Variants in RAPGEF5 observed in about 807,000 individuals in gnomAD.
RAPGEF5 encodes the protein Rap guanine nucleotide exchange factor 5.
RAPGEF5 carries 65 observed loss-of-function variants against 125.2 expected under a neutral mutation model. The ratio of observed to expected loss-of-function variants is 0.52; its 90% CI spans 0.43 to 0.64. The LOEUF is 0.64. Ranked by LOEUF, RAPGEF5 falls within the 30% of genes least tolerant of loss-of-function variation. The pLI, the probability that RAPGEF5 is intolerant of heterozygous loss-of-function variation, is 0.00. For synonymous variants in RAPGEF5, 391 were observed against 385.9 expected, an observed-to-expected ratio of 1.01 and a Z score of -0.16; for missense variants, 958 against 1,048.1, an observed-to-expected ratio of 0.91 and a Z score of 1.19.
chr7:22,316,373 AG>A (rs1783590277), intron 2 of RAPGEF5, among the ~76,000 whole-genome samples: 1 of 149,554 alleles, frequency 6.7e-6, no homozygotes, highest in African/African-American at 2.4e-5. Context: ...ATAGATAGAT[AG>A]ATAGATAGAT....
In RAPGEF5 at chr7:22,124,967, A is replaced by G. The variant is rs192370482; in HGVS notation, c.2536+637T>C. ...CCCATGTGAAAGCTCCTTCAACTCAATGAAGTTGATTTCCTTCCTTCCTGC... is the reference window on the plus strand; with the variant it reads ...CCCATGTGAAAGCTCCTTCAACTCAGTGAAGTTGATTTCCTTCCTTCCTGC... On this transcript the variant is annotated intron_variant, in intron 25 of 25. Transcript: ENST00000665637. Among the ~76,000 whole-genome samples, 4 of 152,296 alleles carry G rather than the reference A, an allele frequency of 2.6e-5. No individual in the cohort carries two copies. The East Asian group carries it at 5.8e-4, about 22-fold the overall frequency.
chr7:22,337,234 C>T (rs1562535652), intron 1 of RAPGEF5, among the ~76,000 whole-genome samples: 2 of 152,272 alleles, frequency 1.3e-5, no homozygotes, highest in African/African-American at 2.4e-5. Flanking sequence ...GGGATGTAAT[C>T]GCAATCATAG....
At chr7:22,249,126 T>C (rs1786553150) in intron 7 of RAPGEF5, among the ~76,000 whole-genome samples, 1 of 152,182 alleles carries the variant, frequency 6.6e-6, no homozygotes, top group Non-Finnish European at 1.5e-5. Context: ...TGCACACAGT[T>C]TACGAGGATA....
At chr7:22,348,379 A>G (rs151294348) in intron 1 of RAPGEF5, among the ~76,000 whole-genome samples, 5 of 152,340 alleles carry the variant, frequency 3.3e-5, no homozygotes, top group East Asian at 1.9e-4. Context: ...TTTGACAGGT[A>G]TGTGTACTTC....
At chr7:22,225,539 G>A (rs920577979) in intron 8 of RAPGEF5, among the ~76,000 whole-genome samples, 1 of 152,200 alleles carries the variant, frequency 6.6e-6, no homozygotes, top group African/African-American at 2.4e-5. Flanking sequence ...GTGCTATGCG[G>A]AAGCATCATG....
chr7:22,187,556 C>T (rs183715638), intron 11 of RAPGEF5, among the ~76,000 whole-genome samples: 265 of 152,286 alleles, frequency 1.7e-3, no homozygotes, highest in Non-Finnish European at 2.4e-3. Flanking sequence ...CACTATAGTC[C>T]CACCTTCTCA....
chr7:22,229,048 C>A (rs1475269526), intron 8 of RAPGEF5, among the ~76,000 whole-genome samples: 1 of 151,986 alleles, frequency 6.6e-6, no homozygotes, highest in Non-Finnish European at 1.5e-5. Flanking sequence ...AGTGGGGACA[C>A]CATGGGGACA....
chr7:22,221,617 A>G (rs1287836403), intron 8 of RAPGEF5, among the ~76,000 whole-genome samples: 1 of 152,116 alleles, frequency 6.6e-6, no homozygotes, highest in Non-Finnish European at 1.5e-5. Flanking sequence ...GTAGTATTGA[A>G]TAAGTCTCAT....
At chr7:22,206,321 A>G (rs959311669) in intron 9 of RAPGEF5, among the ~76,000 whole-genome samples, 12 of 152,226 alleles carry the variant, frequency 7.9e-5, no homozygotes, top group Non-Finnish European at 1.5e-5. Flanking sequence ...CTAGTAATAA[A>G]ATAGTAAATT....
At chr7:22,194,860 C>G (rs1583471435) in intron 9 of RAPGEF5, 1 of 731,374 alleles carries the variant, frequency 1.4e-6, no homozygotes, top group East Asian at 1.3e-4. Flanking sequence ...GCTGACCCAG[C>G]AGGGTGGCCT....
At chr7:22,143,690 G>C (rs976716353) in intron 20 of RAPGEF5, among the ~76,000 whole-genome samples, 1 of 152,076 alleles carries the variant, frequency 6.6e-6, no homozygotes, top group African/African-American at 2.4e-5. Flanking sequence ...TAGATTCAAA[G>C]GCAACTTCCT....
rs775242595 is a variant in RAPGEF5, at chr7:22,121,852, CCTCA to C, written c.*550_*553del. ...TCAGAGCATGGATGCTAGCTGCAGT[CCTCA>C]CTAACTCCCTAGACACAAGTGGCTT... On this transcript the variant is annotated 3_prime_UTR_variant, in exon 26 of 26. Transcript: ENST00000665637. 6.5e-6 allele frequency: 1 copy of C among 154,480 alleles called. No individual in the cohort carries two copies. Among genetic ancestry groups the C allele is most frequent in the Admixed American group, 6.4e-5 (1 of 15,726 alleles). 9.6% of individuals were successfully genotyped at this position (154,480 alleles called of 1,614,324 possible).
chr7:22,268,080 A>AG (rs1309682574), intron 6 of RAPGEF5, among the ~76,000 whole-genome samples: 4 of 152,226 alleles, frequency 2.6e-5, no homozygotes, highest in Non-Finnish European at 5.9e-5. Context: ...CCCCTGCAGA[A>AG]GGCAGCTTGT....
intron 1 of RAPGEF5, among the ~76,000 whole-genome samples, chr7:22,342,923 C>T (rs1356230150): frequency 6.6e-6 from 1 of 152,228 alleles, no homozygotes; most frequent in Admixed American, 6.5e-5. Flanking sequence ...ACCGTTCCAA[C>T]CTCTGCCTGT....
chr7:22,154,446 AC>A lies in RAPGEF5; in HGVS notation c.1786+8del. 2 of 1,613,046 alleles carry A rather than the reference AC, an allele frequency of 1.2e-6. No homozygotes were observed. The highest frequency in any genetic ancestry group is 4.5e-5 in the East Asian group (2 of 44,868). On this transcript the variant is annotated splice_region_variant and intron_variant, in intron 17 of 25. Transcript: ENST00000665637. ...AAAGATTAATATTCAAGGGTAGAAA[AC>A]AACTTACCCCCAGAGAATGTGATGG...
At chr7:22,208,441 A>G (rs1785442545) in intron 9 of RAPGEF5, among the ~76,000 whole-genome samples, 1 of 152,204 alleles carries the variant, frequency 6.6e-6, no homozygotes, top group Non-Finnish European at 1.5e-5. Context: ...GTTCAAATGA[A>G]GGAATCTGAA....
intron 1 of RAPGEF5, among the ~76,000 whole-genome samples, chr7:22,337,868 C>A (rs1784054821): frequency 6.6e-6 from 1 of 152,198 alleles, no homozygotes. Flanking sequence ...TGTTAACACA[C>A]CACTCACATT....
intron 1 of RAPGEF5, among the ~76,000 whole-genome samples, chr7:22,352,675 G>A (rs1296242873): frequency 2.0e-5 from 3 of 152,148 alleles, no homozygotes; most frequent in African/African-American, 7.2e-5. Flanking sequence ...AAAACTCACT[G>A]GTTCTCACTG....
At chr7:22,330,119 A>G (rs1435511146) in intron 1 of RAPGEF5, among the ~76,000 whole-genome samples, 1 of 152,244 alleles carries the variant, frequency 6.6e-6, no homozygotes. Flanking sequence ...TCACAGATAA[A>G]AACGATGACT....
Sources: gnomAD v4.1 joint callset for allele counts (sites outside exome capture counted in the v4.1 genomes callset) on GRCh38, gnomAD v4.1.1 for gene constraint, MANE v1.5 for transcripts, NCBI Gene and HGNC (gene_info 2026-07-23, HGNC 2026-07-21) for gene names.